Variants in GTF2I observed in about 807,000 individuals in gnomAD.
The protein encoded by GTF2I is general transcription factor IIi, also known as general transcription factor II-I.
In GTF2I, 12 loss-of-function variants were observed where a neutral mutation model predicts 67.6. The ratio of observed to expected loss-of-function variants is 0.18; its 90% CI spans 0.11 to 0.29. GTF2I has a LOEUF of 0.29. GTF2I is among the 10% of genes least tolerant of loss of function. The pLI is 1.00. For missense variants in GTF2I, 271 were observed against 580.1 expected (o/e 0.47, Z 5.47); for synonymous variants, 149 against 197.0 (o/e 0.76, Z 2.04).
chr7:74,694,395 T>C (rs1373521156), intron 3 of GTF2I, among the ~76,000 whole-genome samples: 1 of 152,214 alleles, frequency 6.6e-6, no homozygotes, highest in Non-Finnish European at 1.5e-5. Flanking sequence ...AAGACCACCC[T>C]AGGCACCCTG....
At chr7:74,689,024 C>T in intron 1 of GTF2I, 100 bp from the exon 2 acceptor site, 1 of 701,110 alleles carries the variant, frequency 1.4e-6, no homozygotes, top group Non-Finnish European at 2.6e-6. Flanking sequence ...AGCAAGAAAA[C>T]TGTAAATTAG....
chr7:74,678,962 G>A (rs1301717766), intron 1 of GTF2I, among the ~76,000 whole-genome samples: 1 of 151,784 alleles, frequency 6.6e-6, no homozygotes, highest in East Asian at 1.9e-4. Context: ...AATAGAGATG[G>A]GGTTTTAGCA....
At chr7:74,712,206 C>T (rs1162117878) in intron 9 of GTF2I, among the ~76,000 whole-genome samples, 3 of 152,076 alleles carry the variant, frequency 2.0e-5, no homozygotes, top group Non-Finnish European at 2.9e-5. Context: ...CCGCCTTGGC[C>T]TCCCAAAGTA....
intron 10 of GTF2I, 78 bp downstream of exon 10, chr7:74,714,994 A>G: frequency 1.2e-6 from 1 of 838,118 alleles, no homozygotes; most frequent in Non-Finnish European, 1.8e-6. Flanking sequence ...CTGTGTTTTA[A>G]TATTTATAAG....
chr7:74,693,612 C>T (rs1554397619), intron 3 of GTF2I, among the ~76,000 whole-genome samples: 1 of 151,810 alleles, frequency 6.6e-6, no homozygotes, highest in South Asian at 2.1e-4. Flanking sequence ...TTTGGGAGGC[C>T]GAGATGTGTG....
intron 1 of GTF2I, among the ~76,000 whole-genome samples, chr7:74,658,725 C>T (rs1183498926): frequency 6.6e-6 from 1 of 151,256 alleles, no homozygotes; most frequent in Non-Finnish European, 1.5e-5. Flanking sequence ...GGCTTTGTCC[C>T]GGGCCGGCCC....
At chr7:74,668,516 G>C (rs1335047012) in intron 1 of GTF2I, among the ~76,000 whole-genome samples, 1 of 151,844 alleles carries the variant, frequency 6.6e-6, no homozygotes, top group Non-Finnish European at 1.5e-5. Flanking sequence ...GAGAATTCCT[G>C]CTTGTGTTTT....
intron 1 of GTF2I, among the ~76,000 whole-genome samples, chr7:74,667,520 T>C (rs1805084970): frequency 6.6e-6 from 1 of 152,094 alleles, no homozygotes; most frequent in Non-Finnish European, 1.5e-5. Context: ...TTTTAACCTT[T>C]TTTTGTGGGG....
Position 74,709,579 on chromosome 7 carries a change from C to T in GTF2I, c.686-1453C>T, listed in dbSNP as rs587646523. ...GCCAGTATGTGTAAGGTTCTTTAGC[C>T]AATTGGAGTGACCCAAATTTTTATT... On this transcript the variant is annotated intron_variant, in intron 8 of 34. Transcript: ENST00000573035. Among the ~76,000 whole-genome samples the T allele has an allele frequency of 2.8e-4, 43 of 152,122 alleles. No individual in the cohort carries two copies. The South Asian group carries it at 6.2e-3, about 22-fold the overall frequency.
chr7:74,678,562 T>C (rs1343199024), intron 1 of GTF2I, among the ~76,000 whole-genome samples: 1 of 152,076 alleles, frequency 6.6e-6, no homozygotes, highest in Non-Finnish European at 1.5e-5. Context: ...GGGCCTGGTG[T>C]TTCTCATCAG....
intron 3 of GTF2I, among the ~76,000 whole-genome samples, chr7:74,697,931 G>A (rs1333287571): frequency 3.7e-5 from 3 of 82,048 alleles, no homozygotes; most frequent in African/African-American, 1.6e-4. Context: ...ACCATGCCCA[G>A]CTAATTTTTG....
In GTF2I at chr7:74,714,852, C is replaced by T. The variant is rs371050402; in HGVS notation, c.764-5C>T. 5.6e-6 allele frequency: 9 copies of T among 1,596,002 alleles called. No individual in the cohort carries two copies. The African/African-American group carries it at 9.4e-5, about 17-fold the overall frequency. On this transcript the variant is annotated splice_region_variant and splice_polypyrimidine_tract_variant and intron_variant, in intron 9 of 34. Transcript: ENST00000573035. Reference sequence around the variant, plus strand: ...CTTTTGAAGTATTATCTTTGTATCCCAAAGCAGGCCCTTCTGAAACTGATG... The same window carrying T: ...CTTTTGAAGTATTATCTTTGTATCCTAAAGCAGGCCCTTCTGAAACTGATG...
chr7:74,725,287 G>A lies in GTF2I; in HGVS notation c.944-3499G>A, dbSNP rs113784141. On this transcript the variant is annotated intron_variant, in intron 12 of 34. Coordinates refer to ENST00000573035, the MANE Select transcript of GTF2I (RefSeq NM_032999.4). ...ATGTGGTGAAGTTTATAGCTGTTCT[G>A]ATGCCTGAATGCCATGTTCCATATG... Among the ~76,000 whole-genome samples the A allele has an allele frequency of 5.7e-3, 871 of 152,252 alleles. 10 individuals are homozygous for A. Among genetic ancestry groups the A allele is most frequent in the African/African-American group, 0.02 (826 of 41,542 alleles).
chr7:74,678,472 G>GTTA (rs1406734898), intron 1 of GTF2I, among the ~76,000 whole-genome samples: 1 of 152,026 alleles, frequency 6.6e-6, no homozygotes, highest in Non-Finnish European at 1.5e-5. Flanking sequence ...CTTAAGTAAA[G>GTTA]GTGCAGTGTA....
At chr7:74,661,726 G>A (rs1584052955) in intron 1 of GTF2I, among the ~76,000 whole-genome samples, 1 of 151,850 alleles carries the variant, frequency 6.6e-6, no homozygotes, top group Admixed American at 6.6e-5. Context: ...AAAATAATTC[G>A]GACGACTGAC....
chr7:74,703,616 G>C (rs868981817), intron 6 of GTF2I, among the ~76,000 whole-genome samples: 2 of 152,186 alleles, frequency 1.3e-5, no homozygotes, highest in Non-Finnish European at 2.9e-5. Context: ...CAGACCTCAG[G>C]TGATCCACCT....
chr7:74,666,935 G>A (rs1015219611), intron 1 of GTF2I, among the ~76,000 whole-genome samples: 4 of 151,756 alleles, frequency 2.6e-5, no homozygotes, highest in South Asian at 2.1e-4. Context: ...AGCTGAGATC[G>A]CACCACTGCA....
intron 1 of GTF2I, among the ~76,000 whole-genome samples, chr7:74,665,773 G>A (rs587760165): frequency 1.3e-5 from 2 of 152,320 alleles, no homozygotes; most frequent in Admixed American, 1.3e-4. Context: ...TGGAGAATAT[G>A]AATTGCAAGG....
intron 1 of GTF2I, among the ~76,000 whole-genome samples, chr7:74,664,383 A>G (rs1804786280): frequency 6.6e-6 from 1 of 152,132 alleles, no homozygotes; most frequent in East Asian, 1.9e-4. Flanking sequence ...ATAGCCAGGA[A>G]CTGTCAGAGT....
Sources: allele counts gnomAD v4.1 joint callset (sites outside exome capture counted in the v4.1 genomes callset), GRCh38; gene constraint gnomAD v4.1.1; transcripts MANE v1.5; gene names NCBI Gene and HGNC (gene_info 2026-07-23, HGNC 2026-07-21).